The following CYB5R4 variants were observed in gnomAD, a reference collection of about 807,000 sequenced individuals.
The protein encoded by CYB5R4 is N-terminal cytochrome b5 and cytochrome b5 oxidoreductase domain-containing protein.
CYB5R4 carries 55 observed loss-of-function variants against 70.2 expected under a neutral mutation model. The ratio of observed to expected loss-of-function variants is 0.78; its 90% CI spans 0.63 to 0.98. The LOEUF (loss-of-function observed/expected upper bound fraction) is 0.98, where lower values mean the gene tolerates loss of function less well. Ranked by LOEUF, CYB5R4 falls within the 50% of genes least tolerant of loss-of-function variation. The pLI, the probability that CYB5R4 is intolerant of heterozygous loss-of-function variation, is 0.00. For missense variants in CYB5R4, 562 were observed against 612.6 expected (o/e 0.92, Z 0.87); for synonymous variants, 197 against 199.5 (o/e 0.99, Z 0.11).
intron 10 of CYB5R4, among the ~76,000 whole-genome samples, chr6:83,933,530 GAGAAT>G (rs1473040838): frequency 6.6e-6 from 1 of 152,006 alleles, no homozygotes; most frequent in Non-Finnish European, 1.5e-5. Context: ...TTAAAAAAAA[GAGAAT>G]AGAGTAAGAA....
chr6:83,939,931 A>G, intron 12 of CYB5R4, 125 bp from the exon 13 acceptor site: 1 of 635,186 alleles, frequency 1.6e-6, no homozygotes, highest in Non-Finnish European at 2.7e-6. Context: ...CAAGTTAAGT[A>G]TTTATACTGT....
intron 3 of CYB5R4, among the ~76,000 whole-genome samples, chr6:83,903,831 T>C (rs929131817): frequency 7.9e-5 from 12 of 152,146 alleles, no homozygotes; most frequent in African/African-American, 2.9e-4. Flanking sequence ...TTTGTTAATA[T>C]ATAGTTGCTC....
intron 3 of CYB5R4, among the ~76,000 whole-genome samples, chr6:83,901,865 C>G (rs998312795): frequency 6.6e-6 from 1 of 151,916 alleles, no homozygotes; most frequent in African/African-American, 2.4e-5. Flanking sequence ...TCTTTGCCCA[C>G]TTCTTAATGG....
At chr6:83,887,575 T>TAC (rs1262985459) in intron 2 of CYB5R4, among the ~76,000 whole-genome samples, 1 of 152,182 alleles carries the variant, frequency 6.6e-6, no homozygotes, top group Non-Finnish European at 1.5e-5. Flanking sequence ...GAATTAGCTA[T>TAC]ACAGTGTACC....
chr6:83,917,978 G>T, intron 5 of CYB5R4, 27 bp from the exon 6 acceptor site: 1 of 1,581,774 alleles, frequency 6.3e-7, no homozygotes, highest in Non-Finnish European at 8.7e-7. Context: ...CTTTGTAGAT[G>T]AACTATAGCT....
chr6:83,964,843 C>A lies in CYB5R4; in HGVS notation c.*4965C>A, dbSNP rs768355860. 1 of 152,168 alleles carries A rather than the reference C, an allele frequency of 6.6e-6. No homozygotes were observed. The highest frequency in any genetic ancestry group is 2.4e-5 in the African/African-American group (1 of 41,434). The allele number at this position is 152,168 out of a possible 1,614,324, so 9.4% of individuals were successfully genotyped here. On this transcript the variant is annotated 3_prime_UTR_variant, in exon 16 of 16. Transcript: ENST00000369681. ...TGTGTGCAGTCTAAGGACTTGGTGC[C>A]CTGTTTCCTAGCCACTCCGGCCATG...
chr6:83,920,090 A>C (rs950489809), intron 7 of CYB5R4, among the ~76,000 whole-genome samples: 2 of 152,162 alleles, frequency 1.3e-5, no homozygotes, highest in African/African-American at 4.8e-5. Context: ...TAGAGACCTG[A>C]CTTTCAAAAG....
intron 10 of CYB5R4, among the ~76,000 whole-genome samples, chr6:83,932,740 G>C (rs2099468354): frequency 6.6e-6 from 1 of 152,134 alleles, no homozygotes; most frequent in South Asian, 2.1e-4. Context: ...GGCCAGGGCT[G>C]TTTATGTGAA....
intron 14 of CYB5R4, among the ~76,000 whole-genome samples, chr6:83,941,470 G>T (rs1292430710): frequency 6.6e-6 from 1 of 152,128 alleles, no homozygotes; most frequent in African/African-American, 2.4e-5. Context: ...AAATATGTAT[G>T]TATATGAAAG....
intron 2 of CYB5R4, among the ~76,000 whole-genome samples, chr6:83,886,890 C>T (rs553494696): frequency 1.2e-4 from 18 of 152,202 alleles, no homozygotes; most frequent in African/African-American, 3.9e-4. Flanking sequence ...CTCACAGTAA[C>T]GCTGTTAGTG....
At chr6:83,959,210 TAC>T (rs1168353864) in intron 15 of CYB5R4, among the ~76,000 whole-genome samples, 1 of 152,170 alleles carries the variant, frequency 6.6e-6, no homozygotes, top group East Asian at 1.9e-4. Flanking sequence ...AATGGATCTA[TAC>T]ATAGATCATA....
At chr6:83,924,418 A>G (rs1305120056) in intron 9 of CYB5R4, 52 bp from the exon 10 acceptor site, 1 of 1,582,220 alleles carries the variant, frequency 6.3e-7, no homozygotes, top group Non-Finnish European at 8.6e-7. Flanking sequence ...TTTTAAAATA[A>G]AATCTTGTAT....
chr6:83,908,713 GA>G (rs1391399771), intron 3 of CYB5R4, among the ~76,000 whole-genome samples: 4 of 151,282 alleles, frequency 2.6e-5, no homozygotes, highest in Admixed American at 2.0e-4. Context: ...TGTCAAAACT[GA>G]AAAAAAAGTG....
At chr6:83,927,037 C>T (rs997517354) in intron 10 of CYB5R4, among the ~76,000 whole-genome samples, 3 of 152,064 alleles carry the variant, frequency 2.0e-5, no homozygotes, top group African/African-American at 7.2e-5. Context: ...TTGTCAGCTC[C>T]TAAAGTTTTG....
intron 2 of CYB5R4, among the ~76,000 whole-genome samples, chr6:83,866,869 T>C (rs2099456807): frequency 6.6e-6 from 1 of 152,184 alleles, no homozygotes; most frequent in Non-Finnish European, 1.5e-5. Context: ...TCCTCCTGCC[T>C]CAGCCTCCCA....
Position 83,963,004 on chromosome 6 carries a change from A to ATGTGGTTAGATTGGAC in CYB5R4, c.*3126_*3127insTGTGGTTAGATTGGAC, listed in dbSNP as rs2099473568. The ATGTGGTTAGATTGGAC allele has an allele frequency of 1.3e-5, 2 of 152,172 alleles. No homozygotes were observed. Among genetic ancestry groups the ATGTGGTTAGATTGGAC allele is most frequent in the Admixed American group, 6.6e-5 (1 of 15,262 alleles). 9.4% of individuals were successfully genotyped at this position (152,172 alleles called of 1,614,324 possible). On this transcript the variant is annotated 3_prime_UTR_variant, in exon 16 of 16. Coordinates refer to ENST00000369681, the MANE Select transcript of CYB5R4 (RefSeq NM_016230.4). ...ATCTTTCTTGCCCTAGCAAGAGTTC[A>ATGTGGTTAGATTGGAC]CTGCTTTTAAGATCTCATGTGGTTA...
In CYB5R4 at chr6:83,950,916, T is replaced by C. The variant is rs562425129; in HGVS notation, c.1347-4382T>C. Among the ~76,000 whole-genome samples, 35 of 152,296 alleles carry C rather than the reference T, an allele frequency of 2.3e-4. No homozygotes were observed. In the East Asian group the frequency reaches 6.4e-3, roughly 28 times the overall value. On this transcript the variant is annotated intron_variant, in intron 14 of 15. Transcript: ENST00000369681. ...TCTACTCATTGTATTGTGTGTTTTTTACATAAAGAATATTTTCAACAGGTG... is the reference window on the plus strand; with the variant it reads ...TCTACTCATTGTATTGTGTGTTTTTCACATAAAGAATATTTTCAACAGGTG...
intron 14 of CYB5R4, among the ~76,000 whole-genome samples, chr6:83,946,512 A>T (rs2099470639): frequency 6.6e-6 from 1 of 152,212 alleles, no homozygotes; most frequent in Admixed American, 6.5e-5. Context: ...AACTGGCACA[A>T]GACAAGGATA....
intron 14 of CYB5R4, among the ~76,000 whole-genome samples, chr6:83,946,167 A>G (rs2099470581): frequency 6.6e-6 from 1 of 152,220 alleles, no homozygotes; most frequent in African/African-American, 2.4e-5. Context: ...CGATGCAAAA[A>G]TCCTCAATAA....
Sources: gnomAD v4.1 joint callset for allele counts (sites outside exome capture counted in the v4.1 genomes callset) on GRCh38, gnomAD v4.1.1 for gene constraint, MANE v1.5 for transcripts, NCBI Gene and HGNC (gene_info 2026-07-23, HGNC 2026-07-21) for gene names.